Variants in PDZD2 observed in about 807,000 individuals in gnomAD.
PDZD2 encodes the protein PDZ domain-containing protein 2.
PDZD2 carries 90 observed loss-of-function variants against 220.7 expected under a neutral mutation model. The ratio of observed to expected loss-of-function variants is 0.41; its 90% CI spans 0.34 to 0.49. PDZD2 has a LOEUF of 0.49. Among genes scored for constraint, PDZD2 ranks in the 20% least tolerant of loss-of-function variants. The pLI, the probability that PDZD2 is intolerant of heterozygous loss-of-function variation, is 0.28. For synonymous variants in PDZD2, 1,375 were observed against 1,450.5 expected (o/e 0.95, Z 1.18); for missense variants, 3,174 against 3,608.5 (o/e 0.88, Z 3.08).
At chr5:32,067,247 T>G (rs1026161758) in intron 14 of PDZD2, among the ~76,000 whole-genome samples, 2 of 152,210 alleles carry the variant, frequency 1.3e-5, no homozygotes, top group African/African-American at 4.8e-5. Flanking sequence ...AGGCTGAGAT[T>G]TGGACTTGCT....
chr5:32,044,040 C>A (rs940387255), intron 7 of PDZD2, among the ~76,000 whole-genome samples: 5 of 152,020 alleles, frequency 3.3e-5, no homozygotes, highest in Admixed American at 6.6e-5. Context: ...GACAGGAAGG[C>A]CTTCTAGGCT....
intron 2 of PDZD2, among the ~76,000 whole-genome samples, chr5:31,808,615 G>C (rs1039043485): frequency 3.3e-5 from 5 of 152,190 alleles, no homozygotes; most frequent in Non-Finnish European, 7.3e-5. Context: ...TCATCTTAGA[G>C]AAGAGTGACG....
At chr5:32,006,968 T>G (rs1275160686) in intron 5 of PDZD2, among the ~76,000 whole-genome samples, 21 of 122,822 alleles carry the variant, frequency 1.7e-4, no homozygotes, top group African/African-American at 6.5e-4. Context: ...CAGGCTGGAG[T>G]GCAGTGGCGC....
chr5:32,105,404 A>G (rs895010997), intron 24 of PDZD2, among the ~76,000 whole-genome samples: 2 of 152,206 alleles, frequency 1.3e-5, no homozygotes, highest in South Asian at 4.1e-4. Flanking sequence ...AAGGATGTGG[A>G]GAAAGGAAAA....
At chr5:31,658,851 C>A (rs905655778) in intron 1 of PDZD2, among the ~76,000 whole-genome samples, 4 of 152,044 alleles carry the variant, frequency 2.6e-5, no homozygotes, top group Non-Finnish European at 5.9e-5. Flanking sequence ...GAATTCCTGA[C>A]CTCGTGATCC....
chr5:31,741,819 GA>G (rs1179669976), intron 1 of PDZD2: 2 of 152,204 alleles, frequency 1.3e-5, no homozygotes, highest in African/African-American at 4.8e-5. Flanking sequence ...CTGCTCTTTG[GA>G]AAGAATCTGG....
chr5:31,840,497 C>T, intron 2 of PDZD2: 1 of 386,000 alleles, frequency 2.6e-6, no homozygotes, highest in Non-Finnish European at 4.7e-6. Flanking sequence ...AGCTATTTTG[C>T]CATGAATTCA....
intron 17 of PDZD2, 151 bp downstream of exon 17, chr5:32,072,468 C>A: frequency 3.2e-6 from 2 of 634,350 alleles, no homozygotes; most frequent in Admixed American, 6.4e-5. Flanking sequence ...CGGTGGCTCA[C>A]GCCTGTAATC....
chr5:31,947,761 G>A (rs1014804651), intron 2 of PDZD2, among the ~76,000 whole-genome samples: 1 of 152,164 alleles, frequency 6.6e-6, no homozygotes, highest in African/African-American at 2.4e-5. Flanking sequence ...AGGTTGCAGT[G>A]AGCCAAGTTG....
chr5:31,903,069 T>C (rs918441767), intron 2 of PDZD2, among the ~76,000 whole-genome samples: 3 of 151,050 alleles, frequency 2.0e-5, no homozygotes, highest in Non-Finnish European at 4.4e-5. Context: ...CGGAGGTGGG[T>C]GGATCACCTG....
At chr5:31,922,806 G>A (rs987495919) in intron 2 of PDZD2, among the ~76,000 whole-genome samples, 3 of 152,140 alleles carry the variant, frequency 2.0e-5, no homozygotes, top group Non-Finnish European at 4.4e-5. Context: ...AGCCTCCTGA[G>A]TAGCTGGGAC....
rs529835284 is a variant in PDZD2 at position 31,990,043 on chromosome 5, CATT to C, written c.979-5530_979-5528del. Among the ~76,000 whole-genome samples, 127 of 152,294 alleles carry C rather than the reference CATT, an allele frequency of 8.3e-4. 1 individual carries two copies. Among genetic ancestry groups the C allele is most frequent in the Middle Eastern group, 6.8e-3 (2 of 294 alleles). ...ATGACTAAGGGACTTCCAGCTCTGA[CATT>C]ATGCTCACCCATTTCTTACTGATCA... On this transcript the variant is annotated intron_variant, in intron 3 of 24. Transcript: ENST00000438447.
At chr5:31,693,806 G>A (rs1747251322) in intron 1 of PDZD2, among the ~76,000 whole-genome samples, 1 of 152,160 alleles carries the variant, frequency 6.6e-6, no homozygotes, top group Non-Finnish European at 1.5e-5. Context: ...TGGGAGACTT[G>A]GATTCTAGTG....
intron 1 of PDZD2, among the ~76,000 whole-genome samples, chr5:31,671,893 C>A (rs1483721956): frequency 1.3e-5 from 2 of 152,176 alleles, no homozygotes; most frequent in African/African-American, 2.4e-5. Flanking sequence ...GGTCTGCAGT[C>A]CTCACCTGGA....
intron 1 of PDZD2, among the ~76,000 whole-genome samples, chr5:31,745,072 C>CA (rs1168359949): frequency 8.0e-5 from 12 of 150,248 alleles, no homozygotes; most frequent in East Asian, 3.9e-4. Flanking sequence ...GACTCCGTCT[C>CA]AAAAAAAATA....
intron 14 of PDZD2, among the ~76,000 whole-genome samples, 154 bp downstream of exon 14, chr5:32,061,288 T>A (rs139256788): frequency 1.1e-4 from 16 of 152,378 alleles, no homozygotes; most frequent in African/African-American, 3.6e-4. Context: ...GGACTTTGTC[T>A]TCACAGTCTT....
chr5:31,749,679 C>T (rs1176921947), intron 1 of PDZD2, among the ~76,000 whole-genome samples: 2 of 152,174 alleles, frequency 1.3e-5, no homozygotes, highest in Non-Finnish European at 2.9e-5. Flanking sequence ...GCCTTGGCCT[C>T]CCAAAGTGCT....
chr5:31,739,558 G>A (rs72755450), intron 1 of PDZD2, among the ~76,000 whole-genome samples: 36,397 of 151,922 alleles, frequency 0.24, 4,538 homozygotes, highest in Non-Finnish European at 0.25. Flanking sequence ...CAGAAAATGG[G>A]ATTAAAAGAT....
chr5:31,827,733 T>C (rs1189424524), intron 2 of PDZD2, among the ~76,000 whole-genome samples: 1 of 150,788 alleles, frequency 6.6e-6, no homozygotes, highest in Non-Finnish European at 1.5e-5. Flanking sequence ...AATTTTAAAA[T>C]GGCTTTACTG....
Sources: gnomAD v4.1 joint callset for allele counts (sites outside exome capture counted in the v4.1 genomes callset) on GRCh38, gnomAD v4.1.1 for gene constraint, MANE v1.5 for transcripts, NCBI Gene and HGNC (gene_info 2026-07-23, HGNC 2026-07-21) for gene names.